The following RBFOX1 variants were observed in gnomAD, a reference collection of about 807,000 sequenced individuals.
The protein encoded by RBFOX1 is RNA binding protein fox-1 homolog 1.
In RBFOX1, 8 loss-of-function variants were observed where a neutral mutation model predicts 57.7. The ratio of observed to expected loss-of-function variants is 0.14; its 90% confidence interval spans 0.08 to 0.25. RBFOX1 has a LOEUF of 0.25. Ranked by LOEUF, RBFOX1 falls within the 10% of genes least tolerant of loss-of-function variation. The pLI is 1.00. For synonymous variants in RBFOX1, 326 were observed against 222.4 expected (o/e 1.47, Z -4.15); for missense variants, 611 against 548.5 (o/e 1.11, Z -1.14).
chr16:6,442,611 C>A (rs544451171), intron 2 of RBFOX1, among the ~76,000 whole-genome samples: 3 of 151,914 alleles, frequency 2.0e-5, no homozygotes, highest in African/African-American at 4.8e-5. Flanking sequence ...TCTTCCTTCT[C>A]GTAAATTAAA....
chr16:7,204,257 C>G (rs1207071043), intron 4 of RBFOX1, among the ~76,000 whole-genome samples: 1 of 152,228 alleles, frequency 6.6e-6, no homozygotes, highest in Non-Finnish European at 1.5e-5. Context: ...CCACCCTAAA[C>G]TTGCAGCATC....
chr16:6,908,998 G>T (rs890662061), intron 3 of RBFOX1, among the ~76,000 whole-genome samples: 2 of 152,144 alleles, frequency 1.3e-5, no homozygotes, highest in Non-Finnish European at 2.9e-5. Flanking sequence ...TTCTGAACAT[G>T]CTTAGACTTC....
chr16:7,018,872 A>C (rs560053771), intron 3 of RBFOX1, among the ~76,000 whole-genome samples: 1 of 152,224 alleles, frequency 6.6e-6, no homozygotes, highest in South Asian at 2.1e-4. Flanking sequence ...TAATCTCAGC[A>C]CATTGGGAGG....
chr16:6,408,052 T>C (rs1383649060), intron 2 of RBFOX1, among the ~76,000 whole-genome samples: 1 of 152,074 alleles, frequency 6.6e-6, no homozygotes, highest in East Asian at 1.9e-4. Flanking sequence ...CTCCCATCAT[T>C]TGAGGACACA....
At chr16:6,837,673 G>C (rs1034924334) in intron 3 of RBFOX1, among the ~76,000 whole-genome samples, 5 of 152,136 alleles carry the variant, frequency 3.3e-5, no homozygotes, top group African/African-American at 1.2e-4. Context: ...GATAATAATA[G>C]TTTTAATTAA....
intron 1 of RBFOX1, among the ~76,000 whole-genome samples, chr16:5,325,804 C>T (rs1172880777): frequency 2.0e-5 from 3 of 152,146 alleles, no homozygotes; most frequent in Non-Finnish European, 4.4e-5. Context: ...GGATATACTG[C>T]AGTTTGTTTA....
chr16:7,292,196 G>A (rs1233925138), intron 4 of RBFOX1, among the ~76,000 whole-genome samples: 4 of 113,612 alleles, frequency 3.5e-5, no homozygotes, highest in East Asian at 2.5e-4. Context: ...GATATAGAAC[G>A]TATTATATAT....
chr16:5,724,293 C>T (rs565445521), intron 3 of RBFOX1, among the ~76,000 whole-genome samples: 9 of 152,262 alleles, frequency 5.9e-5, no homozygotes, highest in South Asian at 4.1e-4. Context: ...AGGGCCCTTG[C>T]GCACCCTAAA....
chr16:5,345,010 C>G (rs983422145), intron 1 of RBFOX1, among the ~76,000 whole-genome samples: 48 of 152,240 alleles, frequency 3.2e-4, no homozygotes, highest in African/African-American at 1.1e-3. Context: ...CTGCCCTTTG[C>G]AGGCACCACG....
chr16:7,263,116 C>T (rs948411766), intron 4 of RBFOX1, among the ~76,000 whole-genome samples: 1 of 152,166 alleles, frequency 6.6e-6, no homozygotes, highest in African/African-American at 2.4e-5. Context: ...AGTCACTCAG[C>T]AAATGAGAAA....
In RBFOX1 at chr16:6,704,163, A is replaced by T. The variant is rs780461026; in HGVS notation, c.-16+49513A>T. On this transcript the variant is annotated intron_variant, in intron 3 of 15. Transcript: ENST00000550418. ...GCCCCATGGGGCAGGCATTGTTATT[A>T]TCATCCCCATGTTGTGTGTAAGGAA... 2.0e-5 allele frequency: 3 copies of T among 152,136 alleles called. No individual in the cohort carries two copies. The East Asian group carries it at 5.8e-4, about 29-fold the overall frequency. 9.4% of individuals were successfully genotyped at this position (152,136 alleles called of 1,614,324 possible). A position where few individuals can be genotyped will look rare whatever the true frequency, so the allele number is the denominator to read the frequency against.
Position 6,487,749 on chromosome 16 carries a change from AT to A in RBFOX1, c.-63-166853del, listed in dbSNP as rs376847517. On this transcript the variant is annotated intron_variant, in intron 2 of 15. Transcript: ENST00000550418. ...TATATATATATATATATATATATAT[AT>A]ATATAAAATATTATGCAGTGATGGG... is the stretch of plus-strand genomic sequence containing the variant. Among the ~76,000 whole-genome samples the A allele has an allele frequency of 8.3e-4, 65 of 78,776 alleles. 1 individual carries two copies. Among genetic ancestry groups the A allele is most frequent in the African/African-American group, 2.7e-3 (55 of 20,284 alleles). 51.7% of individuals were successfully genotyped at this position (78,776 alleles called of 152,430 possible). A position where few individuals can be genotyped will look rare whatever the true frequency, so the allele number is the denominator to read the frequency against.
intron 5 of RBFOX1, among the ~76,000 whole-genome samples, chr16:7,544,119 G>C (rs1181714299): frequency 1.3e-5 from 2 of 152,236 alleles, no homozygotes; most frequent in Non-Finnish European, 2.9e-5. Context: ...ATAAGACCAG[G>C]AAAGCCTGAA....
chr16:7,588,189 C>G (rs1217516076), intron 7 of RBFOX1, among the ~76,000 whole-genome samples: 2 of 152,086 alleles, frequency 1.3e-5, no homozygotes, highest in African/African-American at 4.8e-5. Context: ...CAAAAATAAG[C>G]AAATAAACAA....
At chr16:5,688,154 A>G (rs1284495353) in intron 3 of RBFOX1, among the ~76,000 whole-genome samples, 1 of 152,210 alleles carries the variant, frequency 6.6e-6, no homozygotes, top group African/African-American at 2.4e-5. Flanking sequence ...AATGGTGTTT[A>G]GGTATGACAG....
In RBFOX1 at chr16:6,719,830, C is replaced by T. The variant is rs79864596; in HGVS notation, c.-16+65180C>T. Among the ~76,000 whole-genome samples, 312 of 152,176 alleles carry T rather than the reference C, an allele frequency of 2.1e-3. 1 individual carries two copies. In the East Asian group the frequency reaches 0.037, roughly 18 times the overall value. Reference sequence around the variant, plus strand: ...AATGGAGCCCGGGCATGGCTGCTCACACCTGTAATCTCAGCACTTTGGGAA... The same window carrying T: ...AATGGAGCCCGGGCATGGCTGCTCATACCTGTAATCTCAGCACTTTGGGAA... On this transcript the variant is annotated intron_variant, in intron 3 of 15. Coordinates refer to ENST00000550418, the MANE Select transcript of RBFOX1 (RefSeq NM_018723.4).
At chr16:6,293,779 G>A (rs774569942) in intron 1 of RBFOX1, among the ~76,000 whole-genome samples, 8 of 152,090 alleles carry the variant, frequency 5.3e-5, no homozygotes, top group Non-Finnish European at 8.8e-5. Context: ...CTAACCAGAG[G>A]GTCCAGGAAT....
At chr16:5,848,977 C>CA (rs111633901) in intron 3 of RBFOX1, among the ~76,000 whole-genome samples, 39,832 of 149,718 alleles carry the variant, frequency 0.27, 5,801 homozygotes, top group Non-Finnish European at 0.33. Flanking sequence ...AAAACAACAA[C>CA]AAAAAAAAAC....
intron 2 of RBFOX1, among the ~76,000 whole-genome samples, chr16:6,487,144 C>CTGTGTGTGTGTGTGTGTGTG: frequency 1.4e-5 from 2 of 140,222 alleles, no homozygotes; most frequent in African/African-American, 5.3e-5. Context: ...TGTGGGGTTT[C>CTGTGTGTGTGTGTGTGTGTG]TGTGTGTGTG....
Sources: allele counts gnomAD v4.1 joint callset (sites outside exome capture counted in the v4.1 genomes callset), GRCh38; gene constraint gnomAD v4.1.1; transcripts MANE v1.5; gene names NCBI Gene and HGNC (gene_info 2026-07-23, HGNC 2026-07-21).